Variants in ZAN observed in about 807,000 individuals in gnomAD.
ZAN encodes zonadhesin, also known as zonadhesin (gene/pseudogene).
A neutral mutation model predicts 286.2 loss-of-function variants in ZAN; 260 were observed. The observed-to-expected ratio is 0.91, with a 90% CI of 0.82 to 1.01. The LOEUF (loss-of-function observed/expected upper bound fraction) is 1.01, where lower values mean the gene tolerates loss of function less well. Ranked by LOEUF, ZAN falls within the 50% of genes least tolerant of loss-of-function variation. ZAN has a pLI of 0.00. For synonymous variants in ZAN, 1,368 were observed against 1,417.5 expected, an observed-to-expected ratio of 0.97 and a Z score of 0.79; for missense variants, 3,410 against 3,639.2, an observed-to-expected ratio of 0.94 and a Z score of 1.62.
At chr7:100,779,817 G>A in intron 35 of ZAN, 67 bp downstream of exon 35, 1 of 1,455,518 alleles carries the variant, frequency 6.9e-7, no homozygotes, top group Non-Finnish European at 9.2e-7. Context: ...TTCCCTGAGA[G>A]CTCCCTCACT....
At position 100,753,011 on chromosome 7, in the gene ZAN, C is replaced by G. The variant is rs1223160486; in HGVS notation, c.2906C>G (p.Pro969Arg). ...TEKPTISTEK[P>R]TIPTEKLTIP... ...AAACCCACCATCTCCACGGAAAAAC[C>G]CACCATCCCCACGGAAAAACTTACC... Residue 969 changes from proline (P) to arginine (R), a missense_variant, in exon 14 of 48, where the codon CCC becomes CGC. Pro to Arg is a moderately radical substitution (Grantham distance 103). Transcript: ENST00000613979. 1 of 1,608,076 alleles carries G rather than the reference C, an allele frequency of 6.2e-7. No individual in the cohort carries two copies. The highest frequency in any genetic ancestry group is 1.3e-5 in the African/African-American group (1 of 74,316).
At chr7:100,765,025 C>A (rs1335787851) in intron 22 of ZAN, among the ~76,000 whole-genome samples, 1 of 152,160 alleles carries the variant, frequency 6.6e-6, no homozygotes, top group Non-Finnish European at 1.5e-5. Context: ...CAGGCCTATC[C>A]CCTGACTCAG....
rs146559932 is a variant in ZAN at position 100,749,185 on chromosome 7, T to C, written c.1249+715T>C. ...GAAACCCTGACTCCACTAAAAAAAA[T>C]GTAAAAATTAGCCGGGAGTGGTGGC... On this transcript the variant is annotated intron_variant, in intron 11 of 47. Transcript: ENST00000613979. Among the ~76,000 whole-genome samples the C allele has an allele frequency of 4.7e-5, 7 of 149,100 alleles. No individual in the cohort carries two copies. The East Asian group carries it at 1.4e-3, about 30-fold the overall frequency.
chr7:100,793,755 G>A, intron 42 of ZAN, 65 bp from the exon 43 acceptor site: 1 of 1,507,992 alleles, frequency 6.6e-7, no homozygotes, highest in Non-Finnish European at 8.9e-7. Flanking sequence ...AGTTTTATCG[G>A]GTGACCTTGC....
Position 100,788,003 on chromosome 7 carries a change from C to G in ZAN, c.7094C>G (p.Pro2365Arg). Residue 2365 changes from proline to arginine, a missense_variant, in exon 38 of 48, where the codon CCT becomes CGT. Physicochemically the swap from Pro to Arg is moderately radical, Grantham distance 103. Coordinates refer to ENST00000613979, the MANE Select transcript of ZAN (RefSeq NM_003386.3). ...CTGATCAAGACTGTGGACGTACTGC[C>G]TGAGGGGGTGGAGCCCCTCCTCGTG... ...YVLIKTVDVL[P>R]EGVEPLLVEG... 2 of 1,567,644 alleles carry G rather than the reference C, an allele frequency of 1.3e-6. No individual in the cohort carries two copies. The highest frequency in any genetic ancestry group is 1.7e-6 in the Non-Finnish European group (2 of 1,147,512).
In ZAN at chr7:100,734,106, A is replaced by T; in HGVS notation, c.-63A>T. On this transcript the variant is annotated 5_prime_UTR_variant, in exon 2 of 48. In the 5' UTR this introduces an upstream ATG that the reference lacks. Transcript: ENST00000613979. Reference sequence around the variant, plus strand: ...GCTAAGGAGGCCAGGGGGGAATAAAAGGAGTCCAGGCTCCCAACTGTGCCC... The same window carrying T: ...GCTAAGGAGGCCAGGGGGGAATAAATGGAGTCCAGGCTCCCAACTGTGCCC... 1.8e-6 allele frequency: 2 copies of T among 1,111,580 alleles called. 1 individual carries two copies. The highest frequency in any genetic ancestry group is 2.6e-6 in the Non-Finnish European group (2 of 759,430). 68.9% of individuals were successfully genotyped at this position (1,111,580 alleles called of 1,614,324 possible).
At chr7:100,747,763 G>T in intron 9 of ZAN, 122 bp downstream of exon 9, 1 of 986,298 alleles carries the variant, frequency 1.0e-6, no homozygotes, top group South Asian at 1.4e-5. Context: ...GGCTGAGGAG[G>T]GAGGATCGCT....
At position 100,763,687 on chromosome 7, in the gene ZAN, G is replaced by A; in HGVS notation, c.3987-119G>A. The A allele has an allele frequency of 1.0e-6, 1 of 991,408 alleles. No individual in the cohort carries two copies. Among genetic ancestry groups the A allele is most frequent in the South Asian group, 1.4e-5 (1 of 70,562 alleles). 61.4% of individuals were successfully genotyped at this position (991,408 alleles called of 1,614,324 possible). On this transcript the variant is annotated intron_variant, in intron 20 of 47. Transcript: ENST00000613979. This position sits in a 1 kb window ranked among gnomAD's most constrained non-coding sequence, Gnocchi z 4.6. ...AGTGGTCAAACATCCTCTGGGAGGG[G>A]TTTCCCAGCTGACAGGCTGGTTTGC...
At chr7:100,794,312 T>G (rs940153702) in intron 44 of ZAN, 54 bp downstream of exon 44, 57 of 1,540,566 alleles carry the variant, frequency 3.7e-5, no homozygotes, top group Admixed American at 1.8e-4. Context: ...GGGGCGTCCA[T>G]GGACCAAGGA....
Position 100,763,983 on chromosome 7 carries a change from AC to A in ZAN, c.4098-39del. 3.1e-6 allele frequency: 5 copies of A among 1,613,248 alleles called. No individual in the cohort carries two copies. The highest frequency in any genetic ancestry group is 4.2e-6 in the Non-Finnish European group (5 of 1,179,614). Reference sequence around the variant, plus strand: ...GGCACCTGGGCTCCTCCAAGGCTCTACCCCCTTCCACTGCATTCCCCCTGAC... The same window carrying A: ...GGCACCTGGGCTCCTCCAAGGCTCTACCCCTTCCACTGCATTCCCCCTGAC... On this transcript the variant is annotated intron_variant, in intron 21 of 47. Transcript: ENST00000613979. This position sits in a 1 kb window ranked among gnomAD's most constrained non-coding sequence, Gnocchi z 4.6.
At chr7:100,749,443 A>T (rs1318226470) in intron 11 of ZAN, among the ~76,000 whole-genome samples, 2 of 150,924 alleles carry the variant, frequency 1.3e-5, no homozygotes, top group Non-Finnish European at 3.0e-5. Flanking sequence ...GATCGAGACC[A>T]TCCTGGCTAA....
chr7:100,794,395 AC>A (rs1812213814), intron 44 of ZAN, 137 bp downstream of exon 44: 5 of 1,393,114 alleles, frequency 3.6e-6, no homozygotes, highest in Non-Finnish European at 3.8e-6. Flanking sequence ...GTAGGGAGGG[AC>A]AAAGGACAAA....
In ZAN at chr7:100,734,157, C is replaced by CT; in HGVS notation, c.-10dup. The CT allele has an allele frequency of 6.9e-7, 1 of 1,452,462 alleles. No individual in the cohort carries two copies. Among genetic ancestry groups the CT allele is most frequent in the Non-Finnish European group, 9.4e-7 (1 of 1,067,924 alleles). The allele number at this position is 1,452,462 out of a possible 1,614,324, so 90.0% of individuals were successfully genotyped here. A position where few individuals can be genotyped will look rare whatever the true frequency, so the allele number is the denominator to read the frequency against. ...TTCCCCTCTCCCCTGGGAGCAACCA[C>CT]TTAGGGTCCTCATGGTTCCTCCAGT... On this transcript the variant is annotated 5_prime_UTR_variant, in exon 2 of 48. Coordinates refer to ENST00000613979, the MANE Select transcript of ZAN (RefSeq NM_003386.3).
intron 7 of ZAN, among the ~76,000 whole-genome samples, chr7:100,745,910 T>C (rs1259448183): frequency 6.6e-6 from 1 of 151,590 alleles, no homozygotes; most frequent in Admixed American, 6.6e-5. Flanking sequence ...GAACAGGCTA[T>C]GACTCTAGTG....
chr7:100,745,192 G>A (rs575938517), intron 7 of ZAN, among the ~76,000 whole-genome samples: 1 of 151,558 alleles, frequency 6.6e-6, no homozygotes, highest in Middle Eastern at 3.4e-3. Flanking sequence ...CCGTGTCCTT[G>A]ATTTCTCTTT....
intron 44 of ZAN, 44 bp from the exon 45 acceptor site, chr7:100,795,152 G>A (rs1247788147): frequency 3.2e-6 from 5 of 1,576,510 alleles, no homozygotes; most frequent in Non-Finnish European, 3.4e-6. Context: ...AGCTGGGAGT[G>A]TCCTCCCAGG....
In ZAN at chr7:100,783,805, CATAT is replaced by C. The variant is rs1491186199; in HGVS notation, c.6623-810_6623-807del. Among the ~76,000 whole-genome samples, 12 of 22,854 alleles carry C rather than the reference CATAT, an allele frequency of 5.3e-4. 2 individuals are homozygous for C. Among genetic ancestry groups the C allele is most frequent in the Non-Finnish European group, 1.5e-3 (11 of 7,408 alleles). The allele number at this position is 22,854 out of a possible 152,430, so 15.0% of individuals were successfully genotyped here. ...ATATACACATATATATATATACACA[CATAT>C]ATATATACATATATATATATGTATA... On this transcript the variant is annotated intron_variant, in intron 35 of 47. Coordinates refer to ENST00000613979, the MANE Select transcript of ZAN (RefSeq NM_003386.3).
Position 100,737,392 on chromosome 7 carries a change from C to T in ZAN, c.613+43C>T, listed in dbSNP as rs749604526. 7 of 1,271,656 alleles carry T rather than the reference C, an allele frequency of 5.5e-6. No homozygotes were observed. In the South Asian group the frequency reaches 9.6e-5, roughly 17 times the overall value. The allele number at this position is 1,271,656 out of a possible 1,614,324, so 78.8% of individuals were successfully genotyped here. A position where few individuals can be genotyped will look rare whatever the true frequency, so the allele number is the denominator to read the frequency against. On this transcript the variant is annotated intron_variant, in intron 6 of 47. Coordinates refer to ENST00000613979, the MANE Select transcript of ZAN (RefSeq NM_003386.3). ...CTCCCGCCTGCCCTCGGACCCTTTT[C>T]TCTCCGTCCTTGCACAACAAGAAGA...
In ZAN at chr7:100,755,314, G is replaced by A; in HGVS notation, c.3213G>A (p.Arg1071=). The change falls in exon 15 of 48, where the codon CGG becomes CGA. Residue 1071 remains arginine, a synonymous_variant. Coordinates refer to ENST00000613979, the MANE Select transcript of ZAN (RefSeq NM_003386.3). ...GGCCTAGCTGTGGGCCCCTCTGTCG[G>A]GAGGGCTGTGTCTGCAACCCTGGCT... The part of the protein sequence containing the change: ...SPRPSCGPLC[R]EGCVCNPGFL... The A allele has an allele frequency of 1.2e-6, 2 of 1,613,886 alleles. No homozygotes were observed. The highest frequency in any genetic ancestry group is 1.3e-5 in the African/African-American group (1 of 75,066).
Sources: allele counts gnomAD v4.1 joint callset (sites outside exome capture counted in the v4.1 genomes callset), GRCh38; gene constraint gnomAD v4.1.1; non-coding constraint Gnocchi (gnomAD v3.1); transcripts MANE v1.5; gene names NCBI Gene and HGNC (gene_info 2026-07-23, HGNC 2026-07-21).